GALNT17: variants seen among roughly 807,000 people sequenced by gnomAD.
GALNT17 encodes UDP-GalNAc:polypeptide N-acetylgalactosaminyltransferase-like 3.
Under a neutral mutation model 63.7 loss-of-function variants are expected in GALNT17, and 29 were observed. That is an observed-to-expected ratio of 0.46 (90% CI 0.34 to 0.62). GALNT17 has a LOEUF of 0.62. Among genes scored for constraint, GALNT17 ranks in the 20% least tolerant of loss-of-function variants. The probability of loss-of-function intolerance (pLI) is 0.01; values close to 1 mark genes in which losing one functional copy is unlikely to be tolerated. For synonymous variants in GALNT17, 305 were observed against 318.3 expected (o/e 0.96, Z 0.45); for missense variants, 603 against 799.6 (o/e 0.75, Z 2.97).
At chr7:71,502,396 G>A (rs368610792) in intron 5 of GALNT17, among the ~76,000 whole-genome samples, 44 of 152,336 alleles carry the variant, frequency 2.9e-4, no homozygotes, top group African/African-American at 9.9e-4. Flanking sequence ...GGAATGAGGT[G>A]GTTGCTGCCT....
At chr7:71,190,280 G>T (rs1162505801) in intron 1 of GALNT17, among the ~76,000 whole-genome samples, 1 of 152,192 alleles carries the variant, frequency 6.6e-6, no homozygotes, top group African/African-American at 2.4e-5. Context: ...TTGGGGCCTG[G>T]AGGGAGCTGT....
intron 1 of GALNT17, among the ~76,000 whole-genome samples, chr7:71,184,971 CCTTCCTTCCTTCCTTCCTTCCTTCCTT>C (rs1369386283): frequency 1.7e-5 from 2 of 119,464 alleles, no homozygotes; most frequent in Non-Finnish European, 3.3e-5. Context: ...TTCCTTCCTT[CCTTCCTTCCTTCCTTCCTTCCTTCCTT>C]CTTCCTTCCC....
chr7:71,148,860 T>TATATATATA lies in GALNT17; in HGVS notation c.238+15820_238+15821insATATATATA, dbSNP rs1554333242. ...GAAATACAGTAGTATTATGGTATTT[T>TATATATATA]TATATATATATATATATATATATAT... is the stretch of plus-strand genomic sequence containing the variant. On this transcript the variant is annotated intron_variant, in intron 1 of 10. Coordinates refer to ENST00000333538, the MANE Select transcript of GALNT17 (RefSeq NM_022479.3). Among the ~76,000 whole-genome samples, 566 of 102,996 alleles carry TATATATATA rather than the reference T, an allele frequency of 5.5e-3. 11 individuals are homozygous for TATATATATA. The highest frequency in any genetic ancestry group is 0.01 in the African/African-American group (257 of 25,378). The allele number at this position is 102,996 out of a possible 152,430, so 67.6% of individuals were successfully genotyped here.
intron 5 of GALNT17, among the ~76,000 whole-genome samples, chr7:71,465,381 G>C (rs1018186144): frequency 3.9e-5 from 6 of 152,130 alleles, no homozygotes; most frequent in Non-Finnish European, 8.8e-5. Flanking sequence ...GGGTGTCAGA[G>C]GCAAAATAGA....
intron 9 of GALNT17, among the ~76,000 whole-genome samples, chr7:71,710,380 C>T (rs183819995): frequency 9.2e-5 from 14 of 152,160 alleles, no homozygotes; most frequent in Middle Eastern, 3.4e-3. Flanking sequence ...TGGTGGTGCG[C>T]GCCTGTAATC....
chr7:71,373,657 A>T (rs1792668976), intron 2 of GALNT17, among the ~76,000 whole-genome samples: 1 of 152,174 alleles, frequency 6.6e-6, no homozygotes, highest in Admixed American at 6.5e-5. Flanking sequence ...AGTATTGTGA[A>T]TTCTGCATAC....
At position 71,531,165 on chromosome 7, in the gene GALNT17, A is replaced by T. The variant is rs138556091; in HGVS notation, c.963-40120A>T. On this transcript the variant is annotated intron_variant, in intron 5 of 10. Coordinates refer to ENST00000333538, the MANE Select transcript of GALNT17 (RefSeq NM_022479.3). ...CGTATGCAAATTAATGGGTTTGAAG[A>T]TAAGTATATACTCACAAAACTAACA... Among the ~76,000 whole-genome samples, 202 of 152,324 alleles carry T rather than the reference A, an allele frequency of 1.3e-3. 2 individuals carry two copies. The highest frequency in any genetic ancestry group is 4.8e-3 in the African/African-American group (199 of 41,568).
rs10275799 is a variant in GALNT17 at position 71,132,536 on chromosome 7, C to A, written c.-267C>A. On this transcript the variant is annotated 5_prime_UTR_variant, in exon 1 of 11. Coordinates refer to ENST00000333538, the MANE Select transcript of GALNT17 (RefSeq NM_022479.3). ...CTGGCCTTTCGCGGAGACGCCTGGA[C>A]GGGGCCGTGCGCCGTGGACTGAGCA... 325,321 of 434,316 alleles carry A rather than the reference C, an allele frequency of 0.75. 123,978 individuals carry two copies. The highest frequency in any genetic ancestry group is 0.99 in the East Asian group (25,313 of 25,548). The allele number at this position is 434,316 out of a possible 1,614,324, so 26.9% of individuals were successfully genotyped here.
At chr7:71,704,189 T>G (rs1198064759) in intron 9 of GALNT17, among the ~76,000 whole-genome samples, 1 of 152,122 alleles carries the variant, frequency 6.6e-6, no homozygotes, top group African/African-American at 2.4e-5. Context: ...GTTGGTGTGA[T>G]CACAGAGGTG....
At chr7:71,710,102 G>C (rs996174009) in intron 9 of GALNT17, among the ~76,000 whole-genome samples, 1 of 152,172 alleles carries the variant, frequency 6.6e-6, no homozygotes, top group African/African-American at 2.4e-5. Flanking sequence ...GGCCCAGCCA[G>C]CTGAAAGTAG....
chr7:71,298,334 A>C (rs772942618), intron 1 of GALNT17, among the ~76,000 whole-genome samples: 3 of 151,758 alleles, frequency 2.0e-5, no homozygotes, highest in Admixed American at 6.6e-5. Context: ...TATTTTCTTT[A>C]TGTAAATTAT....
At chr7:71,335,182 A>G (rs1219231634) in intron 1 of GALNT17, among the ~76,000 whole-genome samples, 1 of 152,010 alleles carries the variant, frequency 6.6e-6, no homozygotes, top group Non-Finnish European at 1.5e-5. Flanking sequence ...CCCAGGCTGG[A>G]GTGCAGTGGT....
chr7:71,236,565 G>C (rs935552573), intron 1 of GALNT17, among the ~76,000 whole-genome samples: 2 of 152,142 alleles, frequency 1.3e-5, no homozygotes, highest in African/African-American at 4.8e-5. Context: ...GGAATACATT[G>C]CTTTGCCTTA....
At chr7:71,668,644 A>G (rs1192117802) in intron 7 of GALNT17, among the ~76,000 whole-genome samples, 1 of 151,996 alleles carries the variant, frequency 6.6e-6, no homozygotes, top group Admixed American at 6.6e-5. Context: ...ATTTCCCTTT[A>G]AAGTCATTGT....
chr7:71,592,952 G>A (rs1789831968), intron 6 of GALNT17, among the ~76,000 whole-genome samples: 1 of 152,064 alleles, frequency 6.6e-6, no homozygotes, highest in Admixed American at 6.6e-5. Context: ...TTCGAGACCA[G>A]CCTGGGCAAC....
intron 5 of GALNT17, among the ~76,000 whole-genome samples, chr7:71,549,193 G>C (rs1358421046): frequency 6.6e-6 from 1 of 152,122 alleles, no homozygotes; most frequent in Admixed American, 6.5e-5. Context: ...TTGTTGACTT[G>C]TTTCTGGAAT....
At chr7:71,504,905 T>C (rs1376279228) in intron 5 of GALNT17, among the ~76,000 whole-genome samples, 1 of 152,080 alleles carries the variant, frequency 6.6e-6, no homozygotes, top group African/African-American at 2.4e-5. Context: ...CATTGTCATC[T>C]CTCCCCTGGG....
Position 71,416,060 on chromosome 7 carries a change from G to C in GALNT17, c.761G>C (p.Gly254Ala). ...GATGCCCACGTGGAATTCACCGCTG[G>C]CTGGTAGGTCATGAGCTGAAACTCA... Reference protein sequence around the residue: ...FFDAHVEFTAGWAEPVLSRIQ... With the variant: ...FFDAHVEFTAAWAEPVLSRIQ... The change falls in exon 4 of 11, where the codon GGC (glycine) becomes GCC (alanine). Residue 254 changes from glycine (G) to alanine (A), a missense_variant. By Grantham distance (60) the Gly-to-Ala change is moderately conservative (BLOSUM62 0). Transcript: ENST00000333538. The C allele has an allele frequency of 6.2e-7, 1 of 1,609,666 alleles. No homozygotes were observed. Among genetic ancestry groups the C allele is most frequent in the Admixed American group, 1.7e-5 (1 of 59,488 alleles).
intron 5 of GALNT17, among the ~76,000 whole-genome samples, chr7:71,480,889 C>T (rs1292344018): frequency 6.6e-6 from 1 of 152,158 alleles, no homozygotes; most frequent in Admixed American, 6.5e-5. Context: ...AGGCCTTGTG[C>T]TTTCAAACCT....
Sources: gnomAD v4.1 joint callset for allele counts (sites outside exome capture counted in the v4.1 genomes callset) on GRCh38, gnomAD v4.1.1 for gene constraint, MANE v1.5 for transcripts, NCBI Gene and HGNC (gene_info 2026-07-23, HGNC 2026-07-21) for gene names.